CUX1: variants seen among roughly 807,000 people sequenced by gnomAD.
CUX1 encodes the protein cut like homeobox 1, also known as protein CASP.
Under a neutral mutation model 158.8 loss-of-function variants are expected in CUX1, and 31 were observed. The ratio of observed to expected loss-of-function variants is 0.20; its 90% CI spans 0.15 to 0.26. The LOEUF (loss-of-function observed/expected upper bound fraction) is 0.26, where lower values mean the gene tolerates loss of function less well. Among genes scored for constraint, CUX1 ranks in the 10% least tolerant of loss-of-function variants. The pLI, the probability that CUX1 is intolerant of heterozygous loss-of-function variation, is 1.00. For synonymous variants in CUX1, 879 were observed against 862.1 expected, an observed-to-expected ratio of 1.02 and a Z score of -0.34; for missense variants, 1,589 against 2,014.6, an observed-to-expected ratio of 0.79 and a Z score of 4.04.
Position 102,251,614 on chromosome 7 carries a change from T to A in CUX1, c.*2572T>A, listed in dbSNP as rs2132655408. The A allele has an allele frequency of 1.0e-6, 1 of 985,342 alleles. No homozygotes were observed. The highest frequency in any genetic ancestry group is 5.2e-4 in the Middle Eastern group (1 of 1,914). 61.0% of individuals were successfully genotyped at this position (985,342 alleles called of 1,614,324 possible). A position where few individuals can be genotyped will look rare whatever the true frequency, so the allele number is the denominator to read the frequency against. On this transcript the variant is annotated 3_prime_UTR_variant, in exon 24 of 24. Transcript: ENST00000292535. ...TTAGAGGAGCTTAAGGGGACACGGG[T>A]CAACATCTAGCTCGATTCAGGTGCA...
At chr7:102,097,743 G>A (rs747285276) in intron 5 of CUX1, among the ~76,000 whole-genome samples, 47 of 152,138 alleles carry the variant, frequency 3.1e-4, no homozygotes, top group Non-Finnish European at 1.8e-4. Flanking sequence ...TGATGAGACC[G>A]ATCAGGATTC....
intron 2 of CUX1, among the ~76,000 whole-genome samples, chr7:101,966,324 G>T (rs535264191): frequency 6.0e-5 from 9 of 149,650 alleles, no homozygotes; most frequent in Non-Finnish European, 1.3e-4. Flanking sequence ...TTTTTTAAAG[G>T]ATCCTTATCT....
chr7:101,973,770 C>CTTTTT (rs546846196), intron 2 of CUX1, among the ~76,000 whole-genome samples: 2 of 137,376 alleles, frequency 1.5e-5, no homozygotes, highest in African/African-American at 2.7e-5. Flanking sequence ...TTTTCTTTTT[C>CTTTTT]TTTTTTTTTT....
chr7:102,271,750 C>T (rs951136748), intron 14 of CUX1, among the ~76,000 whole-genome samples: 1 of 152,234 alleles, frequency 6.6e-6, no homozygotes, highest in Non-Finnish European at 1.5e-5. Flanking sequence ...CATTTAGGGG[C>T]CCAGTGCGGT....
chr7:101,830,506 G>A (rs1793867559), intron 1 of CUX1, among the ~76,000 whole-genome samples: 1 of 152,194 alleles, frequency 6.6e-6, no homozygotes, highest in African/African-American at 2.4e-5. Flanking sequence ...GTTGTGGACT[G>A]CAGTGGTGGG....
At chr7:102,132,882 G>C (rs1833474819) in intron 8 of CUX1, among the ~76,000 whole-genome samples, 1 of 151,858 alleles carries the variant, frequency 6.6e-6, no homozygotes, top group Non-Finnish European at 1.5e-5. Context: ...TGTTGGCCAG[G>C]CTGGTCGCAA....
chr7:102,103,875 C>T (rs1489133315), intron 5 of CUX1, among the ~76,000 whole-genome samples: 1 of 151,918 alleles, frequency 6.6e-6, no homozygotes, highest in Non-Finnish European at 1.5e-5. Context: ...AATGGGGTAC[C>T]GTAGACTTTC....
At chr7:101,994,926 CAAAAAA>C (rs796784920) in intron 2 of CUX1, among the ~76,000 whole-genome samples, 629 of 47,642 alleles carry the variant, frequency 0.013, 5 homozygotes, top group African/African-American at 0.049. Flanking sequence ...CTCATCTCTA[CAAAAAA>C]AAAAAAAAAA....
chr7:102,084,493 G>A (rs1453471802), intron 4 of CUX1, among the ~76,000 whole-genome samples: 2 of 125,610 alleles, frequency 1.6e-5, no homozygotes, highest in Admixed American at 1.6e-4. Context: ...GCACAATCTT[G>A]GCTCAGTGCA....
chr7:102,252,541 A>G lies in CUX1; in HGVS notation c.*3499A>G. ...TTGTTAATTGGAGGCATTGTTCATA[A>G]CTTAAGGCTTTTGCCATTAACTTAG... is the stretch of plus-strand genomic sequence containing the variant. On this transcript the variant is annotated 3_prime_UTR_variant, in exon 24 of 24. Transcript: ENST00000292535. 3 of 985,476 alleles carry G rather than the reference A, an allele frequency of 3.0e-6. No individual in the cohort carries two copies. The highest frequency in any genetic ancestry group is 4.7e-5 in the South Asian group (1 of 21,292). 61.0% of individuals were successfully genotyped at this position (985,476 alleles called of 1,614,324 possible).
intron 20 of CUX1, among the ~76,000 whole-genome samples, chr7:102,211,678 G>A (rs1796539924): frequency 6.6e-6 from 1 of 151,784 alleles, no homozygotes; most frequent in Admixed American, 6.6e-5. Flanking sequence ...TCCTTGGGAG[G>A]CTGAGGCAGG....
chr7:102,218,196 C>T (rs1422447620), intron 20 of CUX1, among the ~76,000 whole-genome samples: 11 of 152,336 alleles, frequency 7.2e-5, no homozygotes, highest in African/African-American at 1.7e-4. Flanking sequence ...TTAGTGACTT[C>T]GGCCTCCCGC....
chr7:101,856,715 T>G (rs916531428), intron 1 of CUX1, among the ~76,000 whole-genome samples: 6 of 152,236 alleles, frequency 3.9e-5, no homozygotes, highest in African/African-American at 1.4e-4. Context: ...CGCTGTTTTT[T>G]TCTACGCAGA....
chr7:101,874,457 G>A (rs1443129853), intron 1 of CUX1, among the ~76,000 whole-genome samples: 1 of 152,244 alleles, frequency 6.6e-6, no homozygotes, highest in Non-Finnish European at 1.5e-5. Context: ...ACCGGTAGCT[G>A]AGGAGCAGGA....
intron 3 of CUX1, among the ~76,000 whole-genome samples, chr7:102,046,221 A>G (rs1822776595): frequency 6.6e-6 from 1 of 152,198 alleles, no homozygotes; most frequent in African/African-American, 2.4e-5. Flanking sequence ...GGGAAACCCC[A>G]GGACTTACCC....
Position 102,252,756 on chromosome 7 carries a change from C to T in CUX1, c.*3714C>T, listed in dbSNP as rs1182996915. The T allele has an allele frequency of 3.0e-6, 3 of 985,452 alleles. No individual in the cohort carries two copies. Among genetic ancestry groups the T allele is most frequent in the East Asian group, 2.3e-4 (2 of 8,820 alleles). The allele number at this position is 985,452 out of a possible 1,614,324, so 61.0% of individuals were successfully genotyped here. The stretch of plus-strand genomic sequence containing the variant: ...CCCCAACCCCCGAGCTCCCTGGTAA[C>T]CTCCTCTTGAACTTCTGTATCAGTG... On this transcript the variant is annotated 3_prime_UTR_variant, in exon 24 of 24. Coordinates refer to ENST00000292535, the MANE Select transcript of CUX1 (RefSeq NM_181552.4).
Position 102,253,005 on chromosome 7 carries a change from C to G in CUX1, c.*3963C>G. On this transcript the variant is annotated 3_prime_UTR_variant, in exon 24 of 24. Coordinates refer to ENST00000292535, the MANE Select transcript of CUX1 (RefSeq NM_181552.4). ...ATCGTGGCTCACAGGGACCCACCAT[C>G]AAAACCTGCTACTTTGTGCAAGTAA... 4 of 985,432 alleles carry G rather than the reference C, an allele frequency of 4.1e-6. No individual in the cohort carries two copies. Among genetic ancestry groups the G allele is most frequent in the Non-Finnish European group, 4.8e-6 (4 of 829,948 alleles). The allele number at this position is 985,432 out of a possible 1,614,324, so 61.0% of individuals were successfully genotyped here. A position where few individuals can be genotyped will look rare whatever the true frequency, so the allele number is the denominator to read the frequency against.
rs570613970 is a variant in CUX1, at chr7:102,220,838, G to A, written c.3131-6529G>A. Among the ~76,000 whole-genome samples, 164 of 152,104 alleles carry A rather than the reference G, an allele frequency of 1.1e-3. 1 individual carries two copies. The highest frequency in any genetic ancestry group is 4.5e-3 in the Admixed American group (69 of 15,288). The stretch of plus-strand genomic sequence containing the variant: ...TACTTATTTATTTTTTTGAGATGGA[G>A]TAGCTGGGACTACAGACATATGCCA... On this transcript the variant is annotated intron_variant, in intron 20 of 23. Transcript: ENST00000292535.
At chr7:102,067,579 A>T (rs1028458493) in intron 3 of CUX1, among the ~76,000 whole-genome samples, 5 of 151,896 alleles carry the variant, frequency 3.3e-5, no homozygotes, top group Admixed American at 6.6e-5. Context: ...AAAAAATAGA[A>T]ATAAAGACCT....
Sources: allele counts gnomAD v4.1 joint callset (sites outside exome capture counted in the v4.1 genomes callset), GRCh38; gene constraint gnomAD v4.1.1; transcripts MANE v1.5; gene names NCBI Gene and HGNC (gene_info 2026-07-23, HGNC 2026-07-21).